The following SETD2 variants were observed in gnomAD, a reference collection of about 807,000 sequenced individuals.
The protein encoded by SETD2 is histone-lysine N-methyltransferase SETD2.
Under a neutral mutation model 242.1 loss-of-function variants are expected in SETD2, and 31 were observed. The observed-to-expected ratio is 0.13, with a 90% confidence interval of 0.10 to 0.17. The LOEUF (loss-of-function observed/expected upper bound fraction) is 0.17. Among genes scored for constraint, SETD2 ranks in the 10% least tolerant of loss-of-function variants. The pLI is 1.00. For synonymous variants in SETD2, 1,006 were observed against 1,066.5 expected, an observed-to-expected ratio of 0.94 and a Z score of 1.11; for missense variants, 2,481 against 3,046.3, an observed-to-expected ratio of 0.81 and a Z score of 4.37.
chr3:47,162,430 A>G (rs150252017), intron 1 of SETD2, among the ~76,000 whole-genome samples: 1 of 152,334 alleles, frequency 6.6e-6, no homozygotes, highest in Non-Finnish European at 1.5e-5. Flanking sequence ...ATGTTAACCA[A>G]TGGCCAAGAA....
intron 17 of SETD2, among the ~76,000 whole-genome samples, 167 bp downstream of exon 17, chr3:47,042,394 T>C (rs922741425): frequency 6.6e-6 from 1 of 152,042 alleles, no homozygotes; most frequent in African/African-American, 2.4e-5. Flanking sequence ...AGAACCAAAG[T>C]CTAACGTCTA....
chr3:47,019,740 T>C lies in SETD2; in HGVS notation c.7431+20A>G, dbSNP rs2038136642. 1 of 1,600,146 alleles carries C rather than the reference T, an allele frequency of 6.2e-7. No homozygotes were observed. The highest frequency in any genetic ancestry group is 8.6e-7 in the Non-Finnish European group (1 of 1,167,364). ...GATTTAAGCCTGAGGAGCTTAGTGC[T>C]TATATCCACCAAACCTTACCTCTTT... On this transcript the variant is annotated intron_variant, in intron 19 of 20. Coordinates refer to ENST00000409792, the MANE Select transcript of SETD2 (RefSeq NM_014159.7).
chr3:47,142,281 T>C (rs930498526), intron 1 of SETD2, among the ~76,000 whole-genome samples: 2 of 151,802 alleles, frequency 1.3e-5, no homozygotes, highest in Non-Finnish European at 2.9e-5. Context: ...GCTGAGGCAG[T>C]AGGGTTGTTT....
At chr3:47,130,572 C>T (rs970947073) in intron 1 of SETD2, among the ~76,000 whole-genome samples, 4 of 151,880 alleles carry the variant, frequency 2.6e-5, no homozygotes, top group Non-Finnish European at 4.4e-5. Context: ...ACACTTGTTT[C>T]GGTAAATAAT....
At chr3:47,022,862 T>A (rs2038293526) in intron 18 of SETD2, among the ~76,000 whole-genome samples, 1 of 152,218 alleles carries the variant, frequency 6.6e-6, no homozygotes, top group South Asian at 2.1e-4. Flanking sequence ...TTACCCAAGG[T>A]GAAGCTTGAG....
chr3:47,083,852 T>C lies in SETD2; in HGVS notation c.5928A>G (p.Glu1976=), dbSNP rs960778490. The part of the protein sequence containing the change: ...NGTKLEEPIN[E]ETPSQDEEEG... ...CCTCTTCATCTTGGGATGGTGTTTC[T>C]TCATTAATAGGTTCTTCTAGTTTTG... Residue 1976 remains glutamate (E), a synonymous_variant, in exon 12 of 21, where the codon GAA becomes GAG. Transcript: ENST00000409792. 1 of 1,614,068 alleles carries C rather than the reference T, an allele frequency of 6.2e-7. No homozygotes were observed. Among genetic ancestry groups the C allele is most frequent in the African/African-American group, 1.3e-5 (1 of 74,928 alleles).
intron 9 of SETD2, 52 bp from the exon 10 acceptor site, chr3:47,088,299 A>G (rs1441242205): frequency 6.4e-7 from 1 of 1,554,000 alleles, no homozygotes; most frequent in Admixed American, 2.1e-5. Context: ...AACAAAAAAA[A>G]AAACCAAAAA....
At chr3:47,038,826 T>C (rs2039143623) in intron 17 of SETD2, among the ~76,000 whole-genome samples, 1 of 152,208 alleles carries the variant, frequency 6.6e-6, no homozygotes, top group Non-Finnish European at 1.5e-5. Flanking sequence ...TGAAGCCAGC[T>C]GTAACAGAGA....
At position 47,120,679 on chromosome 3, in the gene SETD2, C is replaced by G. The variant is rs753613907; in HGVS notation, c.3957G>C (p.Val1319=). The G allele has an allele frequency of 2.0e-5, 32 of 1,614,032 alleles. No homozygotes were observed. Among genetic ancestry groups the G allele is most frequent in the Non-Finnish European group, 2.3e-5 (27 of 1,180,044 alleles). The change falls in exon 3 of 21, where the codon GTG becomes GTC. Residue 1319 remains valine (V), a synonymous_variant. Coordinates refer to ENST00000409792, the MANE Select transcript of SETD2 (RefSeq NM_014159.7). ...RSGRPPGTGV[V]YDRTQGQVPD... ...GTACTTGTCCTTGAGTTCGATCATACACAACCCCAGTTCCAGGAGGTCTAC... is the reference window on the plus strand; with the variant it reads ...GTACTTGTCCTTGAGTTCGATCATAGACAACCCCAGTTCCAGGAGGTCTAC...
At chr3:47,025,664 C>CA (rs1227077395) in intron 18 of SETD2, among the ~76,000 whole-genome samples, 1 of 152,086 alleles carries the variant, frequency 6.6e-6, no homozygotes, top group African/African-American at 2.4e-5. Context: ...TAAGCCTTTG[C>CA]AAAAAATCAC....
At chr3:47,138,874 T>C (rs2043656747) in intron 1 of SETD2, among the ~76,000 whole-genome samples, 1 of 152,200 alleles carries the variant, frequency 6.6e-6, no homozygotes. Flanking sequence ...GCTTTTACAC[T>C]ACTCCCCAGA....
intron 17 of SETD2, among the ~76,000 whole-genome samples, chr3:47,038,159 G>A (rs778185236): frequency 5.3e-5 from 8 of 152,224 alleles, no homozygotes; most frequent in Non-Finnish European, 8.8e-5. Context: ...GAGGTAAACA[G>A]TGACTGTACC....
intron 7 of SETD2, 88 bp from the exon 8 acceptor site, chr3:47,101,643 T>C (rs2042218811): frequency 2.9e-6 from 2 of 695,976 alleles, no homozygotes; most frequent in Admixed American, 4.7e-5. Flanking sequence ...TGCGCATATA[T>C]AAAGATCATC....
At chr3:47,093,873 G>C (rs770046974) in intron 9 of SETD2, among the ~76,000 whole-genome samples, 19 of 152,092 alleles carry the variant, frequency 1.2e-4, no homozygotes, top group South Asian at 2.1e-4. Flanking sequence ...ACATCTAATA[G>C]TAATTTTAAT....
intron 1 of SETD2, among the ~76,000 whole-genome samples, chr3:47,159,479 T>C (rs913084362): frequency 1.3e-5 from 2 of 152,184 alleles, no homozygotes; most frequent in Non-Finnish European, 2.9e-5. Flanking sequence ...CCAGTATCCA[T>C]CCATTTCTCA....
intron 18 of SETD2, among the ~76,000 whole-genome samples, chr3:47,035,483 T>A (rs765354115): frequency 8.1e-4 from 123 of 152,210 alleles, no homozygotes; most frequent in Non-Finnish European, 2.4e-4. Flanking sequence ...ACTTCTCAGC[T>A]CCTACTTTGT....
intron 12 of SETD2, among the ~76,000 whole-genome samples, chr3:47,081,396 G>C (rs1392726634): frequency 3.9e-5 from 6 of 152,154 alleles, no homozygotes; most frequent in Non-Finnish European, 8.8e-5. Context: ...TTTTTAGTAC[G>C]ATCTTGGAAT....
intron 16 of SETD2, among the ~76,000 whole-genome samples, chr3:47,045,916 C>T (rs1275824655): frequency 6.6e-6 from 1 of 150,572 alleles, no homozygotes; most frequent in African/African-American, 2.4e-5. Context: ...GCTGGGACTA[C>T]AGGTGCGGAG....
intron 1 of SETD2, among the ~76,000 whole-genome samples, chr3:47,157,275 AGCC>A: frequency 6.6e-6 from 1 of 152,268 alleles, no homozygotes; most frequent in South Asian, 2.1e-4. Flanking sequence ...CAAAAAAATT[AGCC>A]AGGAGTGGTG....
Sources: allele counts gnomAD v4.1 joint callset (sites outside exome capture counted in the v4.1 genomes callset), GRCh38; gene constraint gnomAD v4.1.1; transcripts MANE v1.5; gene names NCBI Gene and HGNC (gene_info 2026-07-23, HGNC 2026-07-21).